Variants in CDC42SE2 observed in about 807,000 individuals in gnomAD.
CDC42SE2 encodes the protein CDC42 small effector protein 2.
A neutral mutation model predicts 11.5 loss-of-function variants in CDC42SE2; 3 were observed. The ratio of observed to expected loss-of-function variants is 0.26; its 90% CI spans 0.12 to 0.67. CDC42SE2 has a LOEUF of 0.67. Among genes scored for constraint, CDC42SE2 ranks in the 30% least tolerant of loss-of-function variants. The probability of loss-of-function intolerance (pLI) is 0.80; values close to 1 mark genes in which losing one functional copy is unlikely to be tolerated. For synonymous variants in CDC42SE2, 33 were observed against 34.8 expected, an observed-to-expected ratio of 0.95 and a Z score of 0.18; for missense variants, 82 against 106.8, an observed-to-expected ratio of 0.77 and a Z score of 1.02.
intron 2 of CDC42SE2, among the ~76,000 whole-genome samples, chr5:131,343,349 G>A (rs1408422939): frequency 6.6e-6 from 1 of 152,140 alleles, no homozygotes; most frequent in East Asian, 1.9e-4. Flanking sequence ...AAAACCTGCT[G>A]TGTTTGTGTC....
intron 2 of CDC42SE2, among the ~76,000 whole-genome samples, chr5:131,326,898 A>G (rs1399347988): frequency 1.3e-5 from 2 of 152,168 alleles, no homozygotes; most frequent in Admixed American, 6.5e-5. Context: ...GCATGAGACC[A>G]TGGTTGGCCT....
chr5:131,387,391 A>T (rs1474257772), intron 4 of CDC42SE2, among the ~76,000 whole-genome samples: 1 of 152,150 alleles, frequency 6.6e-6, no homozygotes, highest in African/African-American at 2.4e-5. Context: ...TCTACCAAAA[A>T]TACAAAAAAA....
At chr5:131,302,054 T>C (rs1757694272) in intron 1 of CDC42SE2, among the ~76,000 whole-genome samples, 2 of 152,142 alleles carry the variant, frequency 1.3e-5, no homozygotes, top group Non-Finnish European at 2.9e-5. Flanking sequence ...TTGCCCAGAC[T>C]GCAATGCGGT....
chr5:131,310,734 A>C (rs1391096522), intron 1 of CDC42SE2, among the ~76,000 whole-genome samples: 3 of 151,804 alleles, frequency 2.0e-5, no homozygotes, highest in Non-Finnish European at 1.5e-5. Flanking sequence ...TGATGGTTTA[A>C]AGTCTGTTTT....
upstream of CDC42SE2, chr5:131,263,769 G>C (rs1251121641): frequency 1.3e-5 from 2 of 152,244 alleles, no homozygotes; most frequent in Non-Finnish European, 2.9e-5. Context: ...GCCATCTTTC[G>C]GAGCGTCCTT....
rs1452746987 is a variant in CDC42SE2, at chr5:131,309,432, C to T, written c.-454-6544C>T. On this transcript the variant is annotated intron_variant, in intron 1 of 4. Coordinates refer to ENST00000505065, the MANE Select transcript of CDC42SE2 (RefSeq NM_001375635.1). ...CTTTTTTGGTTGTGTCTCTGCGCGG[C>T]GTTGGTATCAGAATGATGCTGGCCT... is the stretch of plus-strand genomic sequence containing the variant. Among the ~76,000 whole-genome samples the T allele has an allele frequency of 6.6e-5, 10 of 152,194 alleles. No individual in the cohort carries two copies. In the East Asian group the frequency reaches 1.5e-3, roughly 23 times the overall value.
At chr5:131,334,381 A>G (rs970006510) in intron 2 of CDC42SE2, among the ~76,000 whole-genome samples, 4 of 151,952 alleles carry the variant, frequency 2.6e-5, no homozygotes, top group African/African-American at 7.3e-5. Context: ...TTTTATTGAG[A>G]ATTTTTGCAT....
chr5:131,363,179 A>G (rs532891314), intron 3 of CDC42SE2, among the ~76,000 whole-genome samples: 5 of 151,516 alleles, frequency 3.3e-5, no homozygotes, highest in East Asian at 2.0e-4. Context: ...TGACAGAACT[A>G]TAGTGAATTC....
chr5:131,379,994 A>G (rs1580788350), intron 3 of CDC42SE2, among the ~76,000 whole-genome samples: 1 of 148,990 alleles, frequency 6.7e-6, no homozygotes, highest in Non-Finnish European at 1.5e-5. Flanking sequence ...GCTCACTGCA[A>G]CCTCTCCCCG....
At chr5:131,247,930 C>A (rs902987044) in intron 1 of CDC42SE2, among the ~76,000 whole-genome samples, 2 of 152,020 alleles carry the variant, frequency 1.3e-5, no homozygotes, top group African/African-American at 2.4e-5. Context: ...CATGAGCCAC[C>A]ATGCCCAGCC....
chr5:131,393,115 C>G lies in CDC42SE2; in HGVS notation c.*2024C>G, dbSNP rs1263054944. The G allele has an allele frequency of 6.6e-6, 1 of 152,282 alleles. No individual in the cohort carries two copies. Among genetic ancestry groups the G allele is most frequent in the Non-Finnish European group, 1.5e-5 (1 of 68,024 alleles). 9.4% of individuals were successfully genotyped at this position (152,282 alleles called of 1,614,324 possible). ...TAAAATGTTTGTTTAAATCCTATGT[C>G]CAATTCAAGCCTATCTAACTACATT... On this transcript the variant is annotated 3_prime_UTR_variant, in exon 5 of 5. Transcript: ENST00000505065.
At chr5:131,284,087 G>T (rs538626606) in intron 1 of CDC42SE2, among the ~76,000 whole-genome samples, 98 of 152,304 alleles carry the variant, frequency 6.4e-4, no homozygotes, top group Non-Finnish European at 3.4e-4. Context: ...TCCATCAGCC[G>T]TGTAGGAAAT....
intron 1 of CDC42SE2, among the ~76,000 whole-genome samples, chr5:131,275,272 C>G (rs900271452): frequency 6.6e-6 from 1 of 151,682 alleles, no homozygotes; most frequent in African/African-American, 2.4e-5. Context: ...TGGACTTAGA[C>G]CCTTCAATTT....
At chr5:131,223,161 A>G in the CDC42SE2 span, among the ~76,000 whole-genome samples, 6 of 152,170 alleles carry the variant, frequency 3.9e-5, no homozygotes, top group African/African-American at 4.8e-5. Flanking sequence ...TTCCAATCCT[A>G]TATGGAACTC....
chr5:131,312,256 G>A (rs950415065), intron 1 of CDC42SE2, among the ~76,000 whole-genome samples: 20 of 152,044 alleles, frequency 1.3e-4, no homozygotes, highest in Non-Finnish European at 2.9e-4. Flanking sequence ...TAGGCTTCTC[G>A]GGGGTTAGGG....
At chr5:131,223,842 C>T in the CDC42SE2 span, among the ~76,000 whole-genome samples, 1 of 152,114 alleles carries the variant, frequency 6.6e-6, no homozygotes, top group Admixed American at 6.5e-5. Context: ...CTTGAACTGG[C>T]CCCAATAAGG....
At chr5:131,228,619 A>T in the CDC42SE2 span, among the ~76,000 whole-genome samples, 1 of 152,154 alleles carries the variant, frequency 6.6e-6, no homozygotes, top group Non-Finnish European at 1.5e-5. Flanking sequence ...TTAGCTCCTT[A>T]CCGTCTTTTA....
At position 131,257,311 on chromosome 5, in the gene CDC42SE2, G is replaced by A. The variant is rs539941598; in HGVS notation, n.242+2082G>A. Among the ~76,000 whole-genome samples the A allele has an allele frequency of 2.1e-3, 325 of 151,930 alleles. 3 individuals carry two copies. Among genetic ancestry groups the A allele is most frequent in the African/African-American group, 7.1e-3 (295 of 41,412 alleles). ...GTGTTTTCACCATGTTGGCCAGGCC[G>A]GTCTCAAACTCCTGATCTCAAGTGA... On this transcript the variant is annotated intron_variant and non_coding_transcript_variant, in intron 2 of 3. Transcript: ENST00000502840.
chr5:131,342,229 G>A (rs1336746416), intron 2 of CDC42SE2, among the ~76,000 whole-genome samples: 12 of 145,762 alleles, frequency 8.2e-5, no homozygotes, highest in African/African-American at 3.0e-4. Context: ...GCAGTGAGTT[G>A]AGATTGTGCC....
Sources: allele counts gnomAD v4.1 joint callset (sites outside exome capture counted in the v4.1 genomes callset), GRCh38; gene constraint gnomAD v4.1.1; transcripts MANE v1.5; gene names NCBI Gene and HGNC (gene_info 2026-07-23, HGNC 2026-07-21).